CRY2: variants seen among roughly 807,000 people sequenced by gnomAD.
CRY2 encodes cryptochrome-2.
CRY2 carries 31 observed loss-of-function variants against 69.5 expected under a neutral mutation model. The ratio of observed to expected loss-of-function variants is 0.45; its 90% CI spans 0.34 to 0.60. CRY2 has a LOEUF of 0.60. Among genes scored for constraint, CRY2 ranks in the 20% least tolerant of loss-of-function variants. CRY2 has a pLI of 0.02. For missense variants in CRY2, 606 were observed against 797.8 expected, an observed-to-expected ratio of 0.76 and a Z score of 2.90; for synonymous variants, 303 against 312.2, an observed-to-expected ratio of 0.97 and a Z score of 0.31.
intron 5 of CRY2, chr11:45,867,382 G>T: frequency 1.9e-6 from 1 of 527,612 alleles, no homozygotes. Flanking sequence ...AAGTAACAAC[G>T]TGTTCACAGT....
At chr11:45,873,692 A>G (rs931634084) in intron 11 of CRY2, among the ~76,000 whole-genome samples, 6 of 152,238 alleles carry the variant, frequency 3.9e-5, no homozygotes, top group Non-Finnish European at 5.9e-5. Context: ...CTGTCCATCC[A>G]TAAGGATTGA....
At chr11:45,851,000 G>T (rs2086195841) in intron 1 of CRY2, among the ~76,000 whole-genome samples, 1 of 151,734 alleles carries the variant, frequency 6.6e-6, no homozygotes, top group Non-Finnish European at 1.5e-5. Flanking sequence ...GAAGTTTACG[G>T]GCTAATTGTA....
At position 45,847,481 on chromosome 11, in the gene CRY2, C is replaced by G. The variant is rs1293879135; in HGVS notation, c.-10C>G. 8 of 1,601,354 alleles carry G rather than the reference C, an allele frequency of 5.0e-6. No individual in the cohort carries two copies. Among genetic ancestry groups the G allele is most frequent in the Middle Eastern group, 1.7e-4 (1 of 5,958 alleles). ...GCGGAGCGGGGGTGGCTGGAGCAGT[C>G]TGGACAGTCATGGCGGCGACTGTGG... On this transcript the variant is annotated 5_prime_UTR_variant, in exon 1 of 12. Transcript: ENST00000616080.
At chr11:45,853,776 G>A (rs2086216284) in intron 1 of CRY2, among the ~76,000 whole-genome samples, 1 of 152,242 alleles carries the variant, frequency 6.6e-6, no homozygotes, top group African/African-American at 2.4e-5. Flanking sequence ...CAGAAGAGTG[G>A]TGAGGCTTGG....
chr11:45,867,585 T>C (rs750408187), intron 5 of CRY2, 27 bp from the exon 6 acceptor site: 1 of 1,613,908 alleles, frequency 6.2e-7, no homozygotes, highest in Non-Finnish European at 8.5e-7. Flanking sequence ...AAGCCTTTCC[T>C]TTTGCCACCT....
intron 2 of CRY2, among the ~76,000 whole-genome samples, chr11:45,858,102 A>T (rs916605597): frequency 6.6e-6 from 1 of 152,230 alleles, no homozygotes; most frequent in Non-Finnish European, 1.5e-5. Flanking sequence ...GAAATGACTA[A>T]AGGCTTAGGA....
chr11:45,849,714 G>T (rs1340912894), intron 1 of CRY2, among the ~76,000 whole-genome samples: 1 of 150,388 alleles, frequency 6.6e-6, no homozygotes, highest in Non-Finnish European at 1.5e-5. Flanking sequence ...TCCACCTCCC[G>T]GGTTCAAGCA....
At chr11:45,868,225 A>G (rs576427961) in intron 6 of CRY2, among the ~76,000 whole-genome samples, 4 of 152,328 alleles carry the variant, frequency 2.6e-5, no homozygotes, top group Non-Finnish European at 4.4e-5. Flanking sequence ...GAGGGGCTGC[A>G]CACAGGGCTG....
At chr11:45,855,942 C>T (rs1565056975) in intron 1 of CRY2, 40 bp from the exon 2 acceptor site, 6 of 1,513,212 alleles carry the variant, frequency 4.0e-6, no homozygotes, top group Non-Finnish European at 5.5e-6. Flanking sequence ...AGCCACTCTT[C>T]ATGATGTTAT....
intron 6 of CRY2, among the ~76,000 whole-genome samples, chr11:45,868,320 A>G (rs188088670): frequency 1.3e-5 from 2 of 152,264 alleles, no homozygotes; most frequent in East Asian, 1.9e-4. Flanking sequence ...CAGAGGGATC[A>G]CCTCATCTTG....
At position 45,879,838 on chromosome 11, in the gene CRY2, G is replaced by A. The variant is rs553723246; in HGVS notation, c.*3-1076G>A. Among the ~76,000 whole-genome samples, 27 of 152,330 alleles carry A rather than the reference G, an allele frequency of 1.8e-4. No homozygotes were observed. In the South Asian group the frequency reaches 5.4e-3, roughly 30 times the overall value. ...GAAGTCTAAGATCAAAATGTTGCCA[G>A]GGTTGGCTTCTTTTCTTCTGAGGCT... is the stretch of plus-strand genomic sequence containing the variant. On this transcript the variant is annotated intron_variant, in intron 11 of 11. Transcript: ENST00000616080.
At chr11:45,853,610 A>G (rs77756595) in intron 1 of CRY2, among the ~76,000 whole-genome samples, 2,860 of 152,270 alleles carry the variant, frequency 0.019, 41 homozygotes, top group Non-Finnish European at 0.03. Context: ...CCCAAAGCGC[A>G]TGGCAAGGAC....
At chr11:45,875,902 A>G (rs1033269995) in intron 11 of CRY2, among the ~76,000 whole-genome samples, 3 of 152,222 alleles carry the variant, frequency 2.0e-5, no homozygotes, top group Non-Finnish European at 4.4e-5. Flanking sequence ...CACTATGCAA[A>G]TGGAATCACA....
chr11:45,850,494 C>T (rs955614189), intron 1 of CRY2, among the ~76,000 whole-genome samples: 6 of 152,074 alleles, frequency 3.9e-5, no homozygotes, highest in Admixed American at 3.9e-4. Context: ...AATAACTGCT[C>T]CTGGGCCTGG....
rs2086488408 is a variant in CRY2, at chr11:45,882,997, G to T, written c.*2086G>T. 1.2e-5 allele frequency: 4 copies of T among 330,890 alleles called. No individual in the cohort carries two copies. The highest frequency in any genetic ancestry group is 1.6e-5 in the Non-Finnish European group (3 of 183,412). 20.5% of individuals were successfully genotyped at this position (330,890 alleles called of 1,614,324 possible). ...TCCTGGAGCCAAGAGGGAAGGGCAG[G>T]GTAGAGAGGGTATGTCCAGTAGCCT... On this transcript the variant is annotated 3_prime_UTR_variant, in exon 12 of 12. Transcript: ENST00000616080.
Position 45,862,044 on chromosome 11 carries a change from C to A in CRY2, c.653-16C>A, listed in dbSNP as rs1476611405. The A allele has an allele frequency of 6.2e-7, 1 of 1,610,202 alleles. No homozygotes were observed. The highest frequency in any genetic ancestry group is 1.1e-5 in the South Asian group (1 of 90,356). ...ATGGTCAAACCTCCTGTCTTGTGAC[C>A]TTTCCTTCTCTTCAGGGTTCCCCAC... On this transcript the variant is annotated splice_polypyrimidine_tract_variant and intron_variant, in intron 4 of 11. Coordinates refer to ENST00000616080, the MANE Select transcript of CRY2 (RefSeq NM_021117.5).
At chr11:45,855,756 T>G (rs994253572) in intron 1 of CRY2, among the ~76,000 whole-genome samples, 1 of 152,222 alleles carries the variant, frequency 6.6e-6, no homozygotes, top group African/African-American at 2.4e-5. Context: ...GTTAGGTTAT[T>G]GCCTAAAGTC....
intron 1 of CRY2, among the ~76,000 whole-genome samples, chr11:45,850,730 G>A (rs1431242552): frequency 6.6e-6 from 1 of 152,120 alleles, no homozygotes; most frequent in African/African-American, 2.4e-5. Context: ...CTCTGCAACT[G>A]CTTAAGTTGT....
At chr11:45,877,784 A>G (rs898286204) in intron 11 of CRY2, among the ~76,000 whole-genome samples, 6 of 152,142 alleles carry the variant, frequency 3.9e-5, no homozygotes, top group African/African-American at 1.4e-4. Flanking sequence ...CTACAGACGC[A>G]TGCCCTAGCT....
Sources: allele counts gnomAD v4.1 joint callset (sites outside exome capture counted in the v4.1 genomes callset), GRCh38; gene constraint gnomAD v4.1.1; transcripts MANE v1.5; gene names NCBI Gene and HGNC (gene_info 2026-07-23, HGNC 2026-07-21).